The following ALK variants were observed in gnomAD, a reference collection of about 807,000 sequenced individuals.
The protein encoded by ALK is ALK receptor tyrosine kinase.
ALK carries 74 observed loss-of-function variants against 163.1 expected under a neutral mutation model. The observed-to-expected ratio is 0.45, with a 90% CI of 0.38 to 0.55. The LOEUF is 0.55. Ranked by LOEUF, ALK falls within the 20% of genes least tolerant of loss-of-function variation. ALK has a pLI of 0.00. For synonymous variants in ALK, 960 were observed against 843.2 expected (o/e 1.14, Z -2.40); for missense variants, 2,063 against 2,105.3 (o/e 0.98, Z 0.39).
intron 5 of ALK, among the ~76,000 whole-genome samples, chr2:29,382,433 T>C (rs757672914): frequency 6.6e-6 from 1 of 152,194 alleles, no homozygotes; most frequent in African/African-American, 2.4e-5. Context: ...TGCAAAGAAT[T>C]TTTTTCAGGT....
intron 4 of ALK, among the ~76,000 whole-genome samples, chr2:29,500,380 C>T (rs1271800772): frequency 6.6e-6 from 1 of 152,194 alleles, no homozygotes; most frequent in African/African-American, 2.4e-5. Context: ...TGCTCCCCCT[C>T]TGTCTTCAGC....
At chr2:29,684,660 G>C (rs74370215) in intron 3 of ALK, among the ~76,000 whole-genome samples, 2,610 of 152,272 alleles carry the variant, frequency 0.017, 70 homozygotes, top group African/African-American at 0.058. Flanking sequence ...TTGTGTCATA[G>C]GACAAAGCGG....
At chr2:29,197,787 C>T (rs866646691) in intron 26 of ALK, 111 bp from the exon 27 acceptor site, 3 of 934,852 alleles carry the variant, frequency 3.2e-6, no homozygotes, top group Middle Eastern at 3.0e-4. Context: ...CCCCATTATA[C>T]CCTTTTCCAT....
At chr2:29,847,210 T>C (rs979869081) in intron 1 of ALK, among the ~76,000 whole-genome samples, 1 of 152,174 alleles carries the variant, frequency 6.6e-6, no homozygotes, top group South Asian at 2.1e-4. Context: ...CAGCCCCTTC[T>C]TCTAGAGGTG....
chr2:29,429,607 C>A (rs1670225871), intron 4 of ALK, among the ~76,000 whole-genome samples: 1 of 151,584 alleles, frequency 6.6e-6, no homozygotes, highest in South Asian at 2.1e-4. Context: ...AAAAAACATC[C>A]CAGACATGGA....
At chr2:29,898,217 A>G (rs1226233373) in intron 1 of ALK, among the ~76,000 whole-genome samples, 1 of 152,228 alleles carries the variant, frequency 6.6e-6, no homozygotes, top group Non-Finnish European at 1.5e-5. Flanking sequence ...TTTTTCGGTG[A>G]ACCCATTCTG....
At chr2:29,285,440 G>C (rs1665827961) in intron 9 of ALK, among the ~76,000 whole-genome samples, 1 of 152,040 alleles carries the variant, frequency 6.6e-6, no homozygotes, top group Non-Finnish European at 1.5e-5. Context: ...TAGTAGAGAT[G>C]GGGTTTCACT....
chr2:29,734,349 T>A lies in ALK; in HGVS notation c.668-16652A>T, dbSNP rs191253931. Among the ~76,000 whole-genome samples, 9 of 152,312 alleles carry A rather than the reference T, an allele frequency of 5.9e-5. No individual in the cohort carries two copies. In the East Asian group the frequency reaches 1.2e-3, roughly 20 times the overall value. On this transcript the variant is annotated intron_variant, in intron 1 of 28. Transcript: ENST00000389048. ...AGAGACTGTCTAACGTTTTCAGATT[T>A]TTTTAACATGAAAAAAAGATAAAGC...
At chr2:29,882,024 CA>C (rs546912868) in intron 1 of ALK, among the ~76,000 whole-genome samples, 17 of 152,108 alleles carry the variant, frequency 1.1e-4, no homozygotes, top group African/African-American at 4.1e-4. Context: ...AGTGAAGACC[CA>C]CACACACACA....
chr2:29,879,870 T>A (rs4274561), intron 1 of ALK, among the ~76,000 whole-genome samples: 9,667 of 152,300 alleles, frequency 0.063, 444 homozygotes, highest in East Asian at 0.14. Context: ...CGAAACTTCA[T>A]GGACCTGAAT....
chr2:29,276,476 G>A (rs946665728), intron 9 of ALK, among the ~76,000 whole-genome samples: 8 of 152,158 alleles, frequency 5.3e-5, no homozygotes, highest in African/African-American at 1.9e-4. Context: ...AAGGTTTCCT[G>A]AGAACCTTAA....
intron 1 of ALK, chr2:29,892,437 C>A (rs528677993): frequency 1.7e-4 from 26 of 152,322 alleles, no homozygotes; most frequent in African/African-American, 6.3e-4. Flanking sequence ...AAACTGTCCA[C>A]TATACTCTTC....
intron 1 of ALK, among the ~76,000 whole-genome samples, chr2:29,916,257 T>C (rs935432338): frequency 6.6e-6 from 1 of 152,252 alleles, no homozygotes; most frequent in Non-Finnish European, 1.5e-5. Context: ...AGTTTGCTTC[T>C]ACAAGTATGA....
At chr2:29,889,266 TAC>T (rs1241252295) in intron 1 of ALK, among the ~76,000 whole-genome samples, 3 of 134,796 alleles carry the variant, frequency 2.2e-5, no homozygotes, top group Non-Finnish European at 4.9e-5. Flanking sequence ...TATATATATA[TAC>T]ACATATATAT....
intron 4 of ALK, among the ~76,000 whole-genome samples, chr2:29,427,921 A>C (rs1224645275): frequency 6.6e-6 from 1 of 152,140 alleles, no homozygotes; most frequent in Non-Finnish European, 1.5e-5. Flanking sequence ...AAAATCATAC[A>C]AATTATTTTC....
chr2:29,262,260 A>C (rs1665107630), intron 11 of ALK, among the ~76,000 whole-genome samples: 1 of 152,226 alleles, frequency 6.6e-6, no homozygotes, highest in African/African-American at 2.4e-5. Flanking sequence ...CTACAACACG[A>C]ACTGTTTTCA....
intron 2 of ALK, among the ~76,000 whole-genome samples, chr2:29,711,689 C>T (rs774870842): frequency 2.6e-5 from 4 of 152,016 alleles, no homozygotes; most frequent in Non-Finnish European, 5.9e-5. Context: ...TAAGGAGCCA[C>T]CTGCCCAGGG....
rs72853012 is a variant in ALK, at chr2:29,316,926, C to A, written c.1647+1378G>T. ...GTTATAAAATCAAACCAGGAGTAAGCTGCTACAAATTGCATATCACAAAGT... is the reference window on the plus strand; with the variant it reads ...GTTATAAAATCAAACCAGGAGTAAGATGCTACAAATTGCATATCACAAAGT... On this transcript the variant is annotated intron_variant, in intron 8 of 28. Transcript: ENST00000389048. Among the ~76,000 whole-genome samples the A allele has an allele frequency of 8.2e-3, 1,250 of 152,292 alleles. 20 individuals carry two copies. The highest frequency in any genetic ancestry group is 0.027 in the African/African-American group (1,131 of 41,562).
intron 5 of ALK, among the ~76,000 whole-genome samples, chr2:29,359,142 C>T (rs138600309): frequency 6.6e-6 from 1 of 151,818 alleles, no homozygotes; most frequent in Non-Finnish European, 1.5e-5. Flanking sequence ...CTAGGTATAT[C>T]TAAAAGGATG....
Sources: allele counts gnomAD v4.1 joint callset (sites outside exome capture counted in the v4.1 genomes callset), GRCh38; gene constraint gnomAD v4.1.1; transcripts MANE v1.5; gene names NCBI Gene and HGNC (gene_info 2026-07-23, HGNC 2026-07-21).